PHYHD1: variants seen among roughly 807,000 people sequenced by gnomAD.
PHYHD1 encodes phytanoyl-CoA dioxygenase domain containing 1, also known as phytanoyl-CoA dioxygenase domain-containing protein 1.
A neutral mutation model predicts 43.6 loss-of-function variants in PHYHD1; 42 were observed. The observed-to-expected ratio is 0.96, with a 90% CI of 0.75 to 1.25. The LOEUF (loss-of-function observed/expected upper bound fraction) is 1.25. Ranked by LOEUF, PHYHD1 falls within the 50% of genes most tolerant of loss-of-function variation. PHYHD1 has a pLI of 0.00. For synonymous variants in PHYHD1, 139 were observed against 143.6 expected, an observed-to-expected ratio of 0.97 and a Z score of 0.23; for missense variants, 342 against 370.8, an observed-to-expected ratio of 0.92 and a Z score of 0.64.
chr9:128,934,014 A>G lies in PHYHD1; in HGVS notation c.272A>G (p.Asn91Ser). The change falls in exon 6 of 13, where the codon AAT becomes AGT. Residue 91 changes from asparagine (N) to serine (S), a missense_variant. Coordinates refer to ENST00000372592, the MANE Select transcript of PHYHD1 (RefSeq NM_001100876.2). Reference protein sequence around the residue: ...FEKGVFDEKGNFLVPPEKSIN... With the variant: ...FEKGVFDEKGSFLVPPEKSIN... ...TTATCTGTTCTTTGTGCCACAGGAA[A>G]TTTCCTGGTCCCTCCGGAGAAATCC... 6.2e-7 allele frequency: 1 copy of G among 1,613,842 alleles called. No homozygotes were observed. Among genetic ancestry groups the G allele is most frequent in the African/African-American group, 1.3e-5 (1 of 74,986 alleles).
At chr9:128,926,356 TCTC>T (rs1326982837) in intron 3 of PHYHD1, among the ~76,000 whole-genome samples, 1 of 150,128 alleles carries the variant, frequency 6.7e-6, no homozygotes, top group African/African-American at 2.5e-5. Flanking sequence ...TCCAAGCTAT[TCTC>T]CTGCCTCAGC....
At chr9:128,922,916 A>G (rs2131092390) in intron 3 of PHYHD1, among the ~76,000 whole-genome samples, 1 of 150,022 alleles carries the variant, frequency 6.7e-6, no homozygotes, top group East Asian at 1.9e-4. Context: ...TGCCACAGGC[A>G]CACGCCCCCA....
chr9:128,933,040 C>T (rs1196507322), intron 4 of PHYHD1, among the ~76,000 whole-genome samples: 8 of 146,020 alleles, frequency 5.5e-5, no homozygotes, highest in African/African-American at 1.8e-4. Context: ...TTAGTAGAGA[C>T]GGGGATTTCA....
chr9:128,937,638 A>T lies in PHYHD1; in HGVS notation c.436-119A>T, dbSNP rs1447999793. 6 of 1,157,778 alleles carry T rather than the reference A, an allele frequency of 5.2e-6. No homozygotes were observed. The African/African-American group carries it at 6.1e-5, about 12-fold the overall frequency. 71.7% of individuals were successfully genotyped at this position (1,157,778 alleles called of 1,614,324 possible). ...GTAGGTGCTCAGTAGCTGGGTGTTG[A>T]TGTGGAATCCTGAGAGGAAAATGCC... On this transcript the variant is annotated intron_variant, in intron 8 of 12. Coordinates refer to ENST00000372592, the MANE Select transcript of PHYHD1 (RefSeq NM_001100876.2).
chr9:128,932,172 A>ATTTTTT (rs1367583651), intron 4 of PHYHD1, among the ~76,000 whole-genome samples: 21 of 104,188 alleles, frequency 2.0e-4, no homozygotes, highest in African/African-American at 5.2e-4. Context: ...TATTATTGTT[A>ATTTTTT]TTATTATTAT....
intron 4 of PHYHD1, among the ~76,000 whole-genome samples, chr9:128,932,863 T>A (rs868361428): frequency 7.8e-6 from 1 of 128,940 alleles, no homozygotes; most frequent in South Asian, 2.6e-4. Flanking sequence ...TTATTTATTT[T>A]TTGAGACAGA....
intron 4 of PHYHD1, among the ~76,000 whole-genome samples, chr9:128,928,589 G>T (rs1467817409): frequency 1.3e-5 from 2 of 152,092 alleles, no homozygotes; most frequent in Non-Finnish European, 2.9e-5. Flanking sequence ...TGTAATCCCA[G>T]CTACTTGGGA....
At chr9:128,933,433 C>T (rs2131108805) in intron 4 of PHYHD1, among the ~76,000 whole-genome samples, 1 of 152,146 alleles carries the variant, frequency 6.6e-6, no homozygotes, top group East Asian at 1.9e-4. Context: ...GTCGTTACTC[C>T]CAGCCATTAT....
chr9:128,925,234 T>C (rs1025098240), intron 3 of PHYHD1, among the ~76,000 whole-genome samples: 2 of 151,670 alleles, frequency 1.3e-5, no homozygotes, highest in African/African-American at 4.8e-5. Context: ...TCTTTCTTTT[T>C]TTTTTTTTTG....
chr9:128,940,432 G>T lies in PHYHD1; in HGVS notation c.521G>T (p.Trp174Leu). The T allele has an allele frequency of 1.2e-6, 2 of 1,613,292 alleles. No homozygotes were observed. Among genetic ancestry groups the T allele is most frequent in the South Asian group, 2.2e-5 (2 of 91,028 alleles). Reference sequence around the variant, plus strand: ...CCCCTGGGCCGGGTGCTGGGCGTGTGGATCGCAGTGGAGGATGCCACGCTG... The same window carrying T: ...CCCCTGGGCCGGGTGCTGGGCGTGTTGATCGCAGTGGAGGATGCCACGCTG... ...TEPLGRVLGVWIAVEDATLEN... is the reference protein window; with the variant it reads ...TEPLGRVLGVLIAVEDATLEN... The change falls in exon 10 of 13, where the codon TGG (tryptophan) becomes TTG (leucine). Residue 174 changes from tryptophan to leucine, a missense_variant. Trp to Leu is a moderately conservative substitution (Grantham distance 61, BLOSUM62 -2). Transcript: ENST00000372592.
intron 4 of PHYHD1, among the ~76,000 whole-genome samples, chr9:128,933,008 C>G (rs1228639290): frequency 6.7e-6 from 1 of 150,252 alleles, no homozygotes; most frequent in Admixed American, 6.7e-5. Flanking sequence ...CCACCATGCC[C>G]GGCTAATTTT....
rs531328832 is a variant in PHYHD1, at chr9:128,939,345, C to T, written c.458-1024C>T. Reference sequence around the variant, plus strand: ...TTGTAATCCCAGCACTTTGGGAGGCCGAGGGGGTAGATCACCTAAGGTCAG... The same window carrying T: ...TTGTAATCCCAGCACTTTGGGAGGCTGAGGGGGTAGATCACCTAAGGTCAG... On this transcript the variant is annotated intron_variant, in intron 9 of 12. Transcript: ENST00000372592. Among the ~76,000 whole-genome samples, 2 of 127,196 alleles carry T rather than the reference C, an allele frequency of 1.6e-5. 1 individual carries two copies. Among genetic ancestry groups the T allele is most frequent in the East Asian group, 4.3e-4 (2 of 4,696 alleles). 83.4% of individuals were successfully genotyped at this position (127,196 alleles called of 152,430 possible).
At chr9:128,922,496 C>A in intron 3 of PHYHD1, 140 bp downstream of exon 3, 1 of 1,038,850 alleles carries the variant, frequency 9.6e-7, no homozygotes, top group Non-Finnish European at 1.4e-6. Flanking sequence ...GGTTCCCAAC[C>A]GCAACCCCTC....
chr9:128,921,812 G>C (rs1359193049), intron 1 of PHYHD1, 118 bp from the exon 2 acceptor site: 1 of 155,874 alleles, frequency 6.4e-6, no homozygotes, highest in East Asian at 1.9e-4. Flanking sequence ...TCAGATCGGT[G>C]CTGGGAGGGG....
At chr9:128,926,312 C>A (rs1841131868) in intron 3 of PHYHD1, among the ~76,000 whole-genome samples, 1 of 152,116 alleles carries the variant, frequency 6.6e-6, no homozygotes, top group Non-Finnish European at 1.5e-5. Flanking sequence ...CTCACTGCAA[C>A]CTCCACCTCC....
At chr9:128,933,949 G>T in intron 5 of PHYHD1, 62 bp from the exon 6 acceptor site, 1 of 1,607,058 alleles carries the variant, frequency 6.2e-7, no homozygotes, top group East Asian at 2.2e-5. Context: ...GCATGCTGAA[G>T]CCAGCTGCCC....
At chr9:128,935,721 G>C (rs895750328) in intron 6 of PHYHD1, among the ~76,000 whole-genome samples, 12 of 152,084 alleles carry the variant, frequency 7.9e-5, no homozygotes, top group African/African-American at 2.9e-4. Flanking sequence ...GGCCAATATG[G>C]TGAAAAACCA....
At chr9:128,928,788 C>A (rs1564539329) in intron 4 of PHYHD1, among the ~76,000 whole-genome samples, 1 of 152,090 alleles carries the variant, frequency 6.6e-6, no homozygotes, top group Non-Finnish European at 1.5e-5. Context: ...TGGTGCCCAG[C>A]ACTCAGTAAC....
intron 6 of PHYHD1, among the ~76,000 whole-genome samples, chr9:128,934,973 G>C (rs1175085875): frequency 1.3e-5 from 2 of 152,084 alleles, no homozygotes; most frequent in East Asian, 3.9e-4. Flanking sequence ...GCCTGGGGGA[G>C]CTCCTGGGTC....
Sources: gnomAD v4.1 joint callset for allele counts (sites outside exome capture counted in the v4.1 genomes callset) on GRCh38, gnomAD v4.1.1 for gene constraint, MANE v1.5 for transcripts, NCBI Gene and HGNC (gene_info 2026-07-23, HGNC 2026-07-21) for gene names.